Variants in ZC3H6 observed in about 807,000 individuals in gnomAD.
ZC3H6 encodes zinc finger CCCH-type containing 6, also known as zinc finger CCCH domain-containing protein 6.
ZC3H6 carries 40 observed loss-of-function variants against 107.7 expected under a neutral mutation model. The observed-to-expected ratio is 0.37, with a 90% CI of 0.29 to 0.48. The LOEUF is 0.48. Ranked by LOEUF, ZC3H6 falls within the 20% of genes least tolerant of loss-of-function variation. The pLI is 0.98. For missense variants in ZC3H6, 1,267 were observed against 1,410.4 expected, an observed-to-expected ratio of 0.90 and a Z score of 1.63; for synonymous variants, 493 against 487.9, an observed-to-expected ratio of 1.01 and a Z score of -0.14.
chr2:112,321,777 A>C lies in ZC3H6; in HGVS notation c.998A>C (p.Tyr333Ser). ...YMHNEFPCKF[Y>S]HSGAKCYQGD... ...TTACATGAATTTCCATGCAAGTTCT[A>C]TCATAGTGGAGCAAAATGTTACCAG... Residue 333 changes from tyrosine to serine, a missense_variant, in exon 8 of 12, where the codon TAT (tyrosine) becomes TCT (serine). By Grantham distance (144) the Tyr-to-Ser change is moderately radical. Coordinates refer to ENST00000409871, the MANE Select transcript of ZC3H6 (RefSeq NM_198581.3). 6.5e-7 allele frequency: 1 copy of C among 1,537,372 alleles called. No homozygotes were observed. Among genetic ancestry groups the C allele is most frequent in the South Asian group, 1.3e-5 (1 of 77,240 alleles).
intron 1 of ZC3H6, among the ~76,000 whole-genome samples, chr2:112,295,440 T>C (rs753620663): frequency 3.9e-5 from 6 of 152,306 alleles, no homozygotes; most frequent in Non-Finnish European, 8.8e-5. Flanking sequence ...CTCTTCTAGG[T>C]ATTTCCCAAG....
chr2:112,277,504 A>G (rs1558943272), intron 1 of ZC3H6, among the ~76,000 whole-genome samples: 1 of 152,202 alleles, frequency 6.6e-6, no homozygotes, highest in African/African-American at 2.4e-5. Context: ...ATCAAATTCA[A>G]GTATCAAAAT....
At chr2:112,279,250 A>C (rs950793321) in intron 1 of ZC3H6, among the ~76,000 whole-genome samples, 1 of 152,168 alleles carries the variant, frequency 6.6e-6, no homozygotes, top group Non-Finnish European at 1.5e-5. Context: ...GCTCAGTTTT[A>C]TATTTCAACT....
At chr2:112,284,714 T>C (rs2104693559) in intron 1 of ZC3H6, among the ~76,000 whole-genome samples, 1 of 152,324 alleles carries the variant, frequency 6.6e-6, no homozygotes, top group Admixed American at 6.5e-5. Context: ...TTTATATGTG[T>C]GTGTATACAA....
At chr2:112,312,172 A>G (rs1676606965) in intron 5 of ZC3H6, 1 of 417,214 alleles carries the variant, frequency 2.4e-6, no homozygotes, top group Non-Finnish European at 4.2e-6. Flanking sequence ...ACCTCAAAAT[A>G]AAATTGCTAA....
intron 6 of ZC3H6, among the ~76,000 whole-genome samples, chr2:112,316,810 A>G (rs1399915608): frequency 6.6e-6 from 1 of 152,220 alleles, no homozygotes; most frequent in African/African-American, 2.4e-5. Flanking sequence ...AAAGACACAT[A>G]ATGCTACGTG....
chr2:112,321,440 TA>T (rs1676799855), intron 7 of ZC3H6, among the ~76,000 whole-genome samples: 1 of 152,014 alleles, frequency 6.6e-6, no homozygotes, highest in Non-Finnish European at 1.5e-5. Flanking sequence ...TTTGTATAAT[TA>T]AAATATCTAA....
chr2:112,298,061 C>T (rs918546977), intron 1 of ZC3H6, among the ~76,000 whole-genome samples: 1 of 152,176 alleles, frequency 6.6e-6, no homozygotes, highest in Admixed American at 6.5e-5. Context: ...TTGCAGTGAG[C>T]TGAGATCGTG....
At chr2:112,283,874 A>T (rs539502315) in intron 1 of ZC3H6, among the ~76,000 whole-genome samples, 2 of 152,358 alleles carry the variant, frequency 1.3e-5, no homozygotes, top group East Asian at 3.9e-4. Flanking sequence ...TTAGTTAAAA[A>T]TTCATCTGAC....
At chr2:112,295,723 A>G (rs1181697037) in intron 1 of ZC3H6, among the ~76,000 whole-genome samples, 20 of 152,156 alleles carry the variant, frequency 1.3e-4, no homozygotes, top group Admixed American at 1.3e-3. Context: ...CTGCTATTAT[A>G]TGAATGCTGA....
chr2:112,286,378 G>A, intron 1 of ZC3H6: 1 of 192,734 alleles, frequency 5.2e-6, no homozygotes, highest in East Asian at 1.6e-4. Flanking sequence ...GCTGGGTTGA[G>A]GGCATAGTGG....
At chr2:112,296,701 G>A (rs1040950945) in intron 1 of ZC3H6, among the ~76,000 whole-genome samples, 7 of 152,078 alleles carry the variant, frequency 4.6e-5, no homozygotes, top group South Asian at 2.1e-4. Flanking sequence ...CTTTAGGGTC[G>A]TATCATATGC....
chr2:112,291,265 ACT>A (rs2104699840), intron 1 of ZC3H6, among the ~76,000 whole-genome samples: 1 of 152,016 alleles, frequency 6.6e-6, no homozygotes, highest in East Asian at 1.9e-4. Flanking sequence ...ACAGAGTCTC[ACT>A]CTGTCGGCCA....
intron 7 of ZC3H6, among the ~76,000 whole-genome samples, chr2:112,320,200 T>A (rs1174281200): frequency 6.6e-6 from 1 of 152,256 alleles, no homozygotes; most frequent in East Asian, 1.9e-4. Flanking sequence ...CCCAAAGTGC[T>A]GGGATTATAG....
intron 1 of ZC3H6, among the ~76,000 whole-genome samples, chr2:112,281,555 A>G (rs1038638102): frequency 4.6e-5 from 7 of 152,348 alleles, no homozygotes; most frequent in African/African-American, 1.2e-4. Flanking sequence ...TTTAGAACCA[A>G]TAGGATTTAC....
At chr2:112,289,498 G>A (rs1366950167) in intron 1 of ZC3H6, among the ~76,000 whole-genome samples, 6 of 148,132 alleles carry the variant, frequency 4.1e-5, no homozygotes, top group African/African-American at 1.5e-4. Flanking sequence ...CTGATTTATT[G>A]TATTTTTTAG....
At chr2:112,311,762 G>A (rs1301896983) in intron 4 of ZC3H6, 42 bp from the exon 5 acceptor site, 1 of 1,533,932 alleles carries the variant, frequency 6.5e-7, no homozygotes, top group Admixed American at 1.9e-5. Context: ...TGAAAGGTAT[G>A]CTGTTTTTCT....
At chr2:112,329,575 A>T (rs1255371499) in intron 11 of ZC3H6, among the ~76,000 whole-genome samples, 1 of 152,238 alleles carries the variant, frequency 6.6e-6, no homozygotes, top group South Asian at 2.1e-4. Flanking sequence ...GTTTTAATCC[A>T]CATTCTACCC....
chr2:112,290,605 C>G (rs111988156), intron 1 of ZC3H6, among the ~76,000 whole-genome samples: 10 of 151,418 alleles, frequency 6.6e-5, no homozygotes, highest in Non-Finnish European at 1.3e-4. Flanking sequence ...CCATTGTATC[C>G]CCACTGAGAA....
Sources: allele counts gnomAD v4.1 joint callset (sites outside exome capture counted in the v4.1 genomes callset), GRCh38; gene constraint gnomAD v4.1.1; transcripts MANE v1.5; gene names NCBI Gene and HGNC (gene_info 2026-07-23, HGNC 2026-07-21).